The following MICAL2 variants were observed in gnomAD, a reference collection of about 807,000 sequenced individuals.
MICAL2 encodes the protein microtubule associated monooxygenase, calponin and LIM domain containing 2, also known as [F-actin]-monooxygenase MICAL2.
MICAL2 carries 77 observed loss-of-function variants against 127.3 expected under a neutral mutation model. The ratio of observed to expected loss-of-function variants is 0.60; its 90% confidence interval spans 0.50 to 0.73. The LOEUF (loss-of-function observed/expected upper bound fraction) is 0.73, where lower values mean the gene tolerates loss of function less well. MICAL2 is among the 30% of genes least tolerant of loss of function. The pLI, the probability that MICAL2 is intolerant of heterozygous loss-of-function variation, is 0.00. For missense variants in MICAL2, 1,351 were observed against 1,434.4 expected (o/e 0.94, Z 0.94); for synonymous variants, 570 against 551.1 (o/e 1.03, Z -0.48).
intron 16 of MICAL2, among the ~76,000 whole-genome samples, chr11:12,237,814 C>T (rs1565222655): frequency 6.6e-6 from 1 of 152,258 alleles, no homozygotes; most frequent in African/African-American, 2.4e-5. Flanking sequence ...CCCAGACCTA[C>T]AGAAAGCAAA....
At chr11:12,207,891 G>A (rs1373496700) in intron 4 of MICAL2, 132 bp from the exon 5 acceptor site, 13 of 716,880 alleles carry the variant, frequency 1.8e-5, no homozygotes, top group Non-Finnish European at 2.0e-5. Flanking sequence ...GCATAATCCC[G>A]CTCAGTAATG....
chr11:12,179,298 G>A (rs1034193940), intron 3 of MICAL2, among the ~76,000 whole-genome samples: 2 of 151,910 alleles, frequency 1.3e-5, no homozygotes, highest in African/African-American at 2.4e-5. Flanking sequence ...GGCACTTTCC[G>A]TGTTCAGTCT....
At chr11:12,179,830 C>G (rs1857230530) in intron 3 of MICAL2, among the ~76,000 whole-genome samples, 1 of 152,240 alleles carries the variant, frequency 6.6e-6, no homozygotes, top group African/African-American at 2.4e-5. Context: ...GCTGCTGGGA[C>G]AGCCTTTTCA....
chr11:12,256,972 G>C lies in MICAL2; in HGVS notation c.3142+1G>C. On this transcript the variant is annotated splice_donor_variant, in intron 24 of 27. Transcript: ENST00000683283. LOFTEE classifies it high-confidence loss of function. ...GCCTACACCTTTGACTGCGATGAAGGTAACCCCAGGGGCCAGGGCAGCACT... is the reference window on the plus strand; with the variant it reads ...GCCTACACCTTTGACTGCGATGAAGCTAACCCCAGGGGCCAGGGCAGCACT... 6.2e-7 allele frequency: 1 copy of C among 1,611,306 alleles called. No homozygotes were observed. The highest frequency in any genetic ancestry group is 8.5e-7 in the Non-Finnish European group (1 of 1,178,782).
At chr11:12,222,889 C>T (rs752439701) in intron 11 of MICAL2, 146 bp downstream of exon 11, 1 of 1,037,946 alleles carries the variant, frequency 9.6e-7, no homozygotes, top group Non-Finnish European at 1.4e-6. Flanking sequence ...ACCAGTTCTT[C>T]TCCCCACTCG....
At chr11:12,210,691 C>T (rs940443489) in intron 6 of MICAL2, among the ~76,000 whole-genome samples, 4 of 152,180 alleles carry the variant, frequency 2.6e-5, no homozygotes, top group Non-Finnish European at 4.4e-5. Context: ...AATCCAGGAC[C>T]CATTTTCAGC....
chr11:12,145,232 G>C (rs1852767089), intron 2 of MICAL2, among the ~76,000 whole-genome samples: 1 of 152,178 alleles, frequency 6.6e-6, no homozygotes, highest in East Asian at 1.9e-4. Context: ...AAATGGAAGT[G>C]AACAGGCCTC....
intron 25 of MICAL2, 193 bp from the exon 26 acceptor site, chr11:12,259,602 C>T: frequency 2.1e-6 from 1 of 472,326 alleles, no homozygotes; most frequent in South Asian, 5.3e-5. Flanking sequence ...AGGCTCGTGA[C>T]TCCTATGGTC....
intron 15 of MICAL2, among the ~76,000 whole-genome samples, chr11:12,230,718 C>CCG (rs1554991864): frequency 1.3e-5 from 2 of 151,442 alleles, no homozygotes; most frequent in African/African-American, 4.9e-5. Flanking sequence ...CTTCTTTCCC[C>CCG]CCCCATCTTA....
At chr11:12,154,704 T>A (rs890497167) in intron 2 of MICAL2, among the ~76,000 whole-genome samples, 13 of 152,318 alleles carry the variant, frequency 8.5e-5, no homozygotes, top group Middle Eastern at 3.4e-3. Flanking sequence ...TTTATAAATA[T>A]TATTTTTAAA....
intron 1 of MICAL2, among the ~76,000 whole-genome samples, chr11:12,132,708 G>C (rs1851521919): frequency 1.3e-5 from 2 of 152,234 alleles, no homozygotes; most frequent in East Asian, 3.9e-4. Context: ...CCCACAGATA[G>C]AGCCAAGTCT....
chr11:12,268,882 C>T (rs568385975), intron 24 of MICAL2, among the ~76,000 whole-genome samples: 2 of 152,170 alleles, frequency 1.3e-5, no homozygotes, highest in East Asian at 3.9e-4. Context: ...GCCTGTAGTC[C>T]CAGCTACTCG....
chr11:12,128,693 A>G (rs1851149671), intron 1 of MICAL2, among the ~76,000 whole-genome samples: 1 of 152,248 alleles, frequency 6.6e-6, no homozygotes, highest in Non-Finnish European at 1.5e-5. Flanking sequence ...AGGCTTTATC[A>G]GAGCCTTTCA....
chr11:12,165,523 A>AG lies in MICAL2; in HGVS notation c.264+3105dup, dbSNP rs1187067892. Among the ~76,000 whole-genome samples the AG allele has an allele frequency of 3.9e-5, 6 of 152,394 alleles. No homozygotes were observed. The East Asian group carries it at 1.2e-3, about 29-fold the overall frequency. ...CAGGTTTGTCAGGTACCAGGCATAAAGCCAAGCTCCTGGTTAGCCATAGGC... is the reference window on the plus strand; with the variant it reads ...CAGGTTTGTCAGGTACCAGGCATAAAGGCCAAGCTCCTGGTTAGCCATAGGC... On this transcript the variant is annotated intron_variant, in intron 3 of 27. Coordinates refer to ENST00000683283, the MANE Select transcript of MICAL2 (RefSeq NM_001282663.2).
intron 26 of MICAL2, chr11:12,260,254 G>T: frequency 1.4e-6 from 2 of 1,436,418 alleles, no homozygotes. Context: ...TCAGGCTCTG[G>T]CCAGGAAGCC....
chr11:12,124,599 T>C (rs1160019098), intron 1 of MICAL2, among the ~76,000 whole-genome samples: 2 of 152,122 alleles, frequency 1.3e-5, no homozygotes, highest in African/African-American at 2.4e-5. Flanking sequence ...CTCTGGGAGG[T>C]CACTTTCCCG....
At chr11:12,262,562 CAA>C in intron 27 of MICAL2, 25 bp downstream of exon 27, 1 of 1,592,298 alleles carries the variant, frequency 6.3e-7, no homozygotes, top group Non-Finnish European at 8.6e-7. Flanking sequence ...TGCCAATTTT[CAA>C]AGAGTGGTAC....
At chr11:12,164,538 G>GAT in intron 3 of MICAL2, among the ~76,000 whole-genome samples, 1 of 152,270 alleles carries the variant, frequency 6.6e-6, no homozygotes, top group South Asian at 2.1e-4. Flanking sequence ...CCTTAACTTG[G>GAT]GTGCTTTGAT....
chr11:12,254,997 C>T (rs530979069), intron 22 of MICAL2: 1 of 146,216 alleles, frequency 6.8e-6, no homozygotes, highest in East Asian at 2.0e-4. Flanking sequence ...CAGCTCACTG[C>T]AACCTCTGCC....
Sources: gnomAD v4.1 joint callset for allele counts (sites outside exome capture counted in the v4.1 genomes callset) on GRCh38, gnomAD v4.1.1 for gene constraint, MANE v1.5 for transcripts, NCBI Gene and HGNC (gene_info 2026-07-23, HGNC 2026-07-21) for gene names.